CLTRN: variants seen among roughly 807,000 people sequenced by gnomAD.
The protein encoded by CLTRN is collectrin.
Under a neutral mutation model 14.5 loss-of-function variants are expected in CLTRN, and 12 were observed. The observed-to-expected ratio is 0.83, with a 90% CI of 0.53 to 1.34. The LOEUF (loss-of-function observed/expected upper bound fraction) is 1.34, where lower values mean the gene tolerates loss of function less well. Ranked by LOEUF, CLTRN falls within the 40% of genes most tolerant of loss-of-function variation. The probability of loss-of-function intolerance (pLI) is 0.00; values close to 1 mark genes in which losing one functional copy is unlikely to be tolerated. For synonymous variants in CLTRN, 58 were observed against 56.5 expected (o/e 1.03, Z -0.12); for missense variants, 154 against 165.1 (o/e 0.93, Z 0.37).
chrX:15,667,552 G>C (rs895052337), upstream of CLTRN, among the ~76,000 whole-genome samples: 1 of 112,579 alleles, frequency 8.9e-6, no homozygotes, highest in African/African-American at 3.2e-5. Context: ...CAGCGTCAAC[G>C]AATGACCAAT....
upstream of CLTRN, among the ~76,000 whole-genome samples, chrX:15,669,712 T>C (rs1190753580): frequency 2.7e-5 from 3 of 112,060 alleles, no homozygotes; most frequent in African/African-American, 9.7e-5. Context: ...GTATGTAGGC[T>C]CCATTCACCT....
chrX:15,639,985 C>A (rs997518940), intron 4 of CLTRN, among the ~76,000 whole-genome samples: 1 of 112,025 alleles, frequency 8.9e-6, no homozygotes, highest in South Asian at 3.8e-4. Flanking sequence ...ACTGCTGCCC[C>A]CATTGTTGTG....
At chrX:15,672,470 G>A (rs1929736488) in intron 1 of CLTRN, among the ~76,000 whole-genome samples, 1 of 100,538 alleles carries the variant, frequency 9.9e-6, no homozygotes, top group Non-Finnish European at 2.0e-5. Flanking sequence ...GTCACATTTA[G>A]CCCTGACAAC....
chrX:15,639,794 A>G, intron 4 of CLTRN, 38 bp from the exon 5 acceptor site: 1 of 1,109,333 alleles, frequency 9.0e-7, no homozygotes, highest in Non-Finnish European at 1.2e-6. Context: ...ACAAAATAAG[A>G]CAGAAAAAAA....
At chrX:15,639,906 C>T (rs1455667747) in intron 4 of CLTRN, 150 bp from the exon 5 acceptor site, 4 of 539,445 alleles carry the variant, frequency 7.4e-6, no homozygotes, top group Non-Finnish European at 8.7e-6. Context: ...AAAAAGTTTG[C>T]TGAGGGCAAT....
intron 1 of CLTRN, among the ~76,000 whole-genome samples, chrX:15,671,864 A>G (rs1461265722): frequency 1.1e-5 from 1 of 92,217 alleles, no homozygotes; most frequent in Non-Finnish European, 2.2e-5. Flanking sequence ...ACACACACAC[A>G]CACACACACA....
At chrX:15,663,864 C>T (rs1395756705) in intron 2 of CLTRN, among the ~76,000 whole-genome samples, 2 of 112,487 alleles carry the variant, frequency 1.8e-5, no homozygotes, top group Non-Finnish European at 3.8e-5. Flanking sequence ...TCATATGTTA[C>T]TTTGATAATT....
intron 1 of CLTRN, among the ~76,000 whole-genome samples, chrX:15,673,539 C>T (rs1276952165): frequency 8.9e-6 from 1 of 112,116 alleles, no homozygotes; most frequent in African/African-American, 3.2e-5. Context: ...ATTTTTCATG[C>T]AAAAAATGAT....
At chrX:15,655,355 C>G (rs1200207005) in intron 3 of CLTRN, among the ~76,000 whole-genome samples, 6 of 112,347 alleles carry the variant, frequency 5.3e-5, no homozygotes, top group African/African-American at 1.6e-4. Context: ...ACTCAGAATG[C>G]TCCTGTGGGG....
chrX:15,644,146 T>G (rs1929004098), intron 4 of CLTRN, among the ~76,000 whole-genome samples: 1 of 112,051 alleles, frequency 8.9e-6, no homozygotes, highest in African/African-American at 3.2e-5. Context: ...CGGGAAAAAT[T>G]GTAAAATACT....
chrX:15,648,532 G>T (rs1222951742), intron 3 of CLTRN, among the ~76,000 whole-genome samples: 2 of 111,321 alleles, frequency 1.8e-5, no homozygotes, highest in African/African-American at 6.6e-5. Flanking sequence ...ATAAATCTTG[G>T]CCTGGCACGG....
intron 5 of CLTRN, among the ~76,000 whole-genome samples, chrX:15,637,999 G>A (rs1928856733): frequency 8.9e-6 from 1 of 111,856 alleles, no homozygotes; most frequent in Non-Finnish European, 1.9e-5. Context: ...TTGAGTCTAA[G>A]CAATCTATCT....
intron 5 of CLTRN, among the ~76,000 whole-genome samples, chrX:15,638,440 T>C (rs923438209): frequency 9.6e-6 from 1 of 104,154 alleles, no homozygotes; most frequent in African/African-American, 3.6e-5. Flanking sequence ...ATATGGAAAG[T>C]AGTAAACTTC....
At chrX:15,643,338 T>C (rs377103444) in intron 4 of CLTRN, among the ~76,000 whole-genome samples, 7 of 112,056 alleles carry the variant, frequency 6.2e-5, no homozygotes, top group African/African-American at 2.3e-4. Flanking sequence ...CCAATCCTGA[T>C]GTGCCCTACT....
At position 15,639,576 on chromosome X, in the gene CLTRN, G is replaced by A; in HGVS notation, c.498C>T (p.Ile166=). 1 of 1,206,489 alleles carries A rather than the reference G, an allele frequency of 8.3e-7. No homozygotes were observed. Among genetic ancestry groups the A allele is most frequent in the Non-Finnish European group, 1.1e-6 (1 of 892,538 alleles). The change falls in exon 5 of 6, where the codon ATC becomes ATT. Residue 166 remains isoleucine, a synonymous_variant. Transcript: ENST00000380342. ...AAATATCTTACCTTCTACGTTGCCA[G>A]ATCCCTGATAAAATCAGTAGTGCAA... The part of the protein sequence containing the change: ...VAIALLILSG[I]WQRRRKNKEP...
At chrX:15,654,054 C>T (rs1229378060) in intron 3 of CLTRN, among the ~76,000 whole-genome samples, 1 of 112,259 alleles carries the variant, frequency 8.9e-6, no homozygotes, top group African/African-American at 3.2e-5. Context: ...CATTTTTCAT[C>T]AATGGCGCCA....
intron 3 of CLTRN, among the ~76,000 whole-genome samples, chrX:15,655,868 T>A (rs1481368130): frequency 8.9e-6 from 1 of 112,138 alleles, no homozygotes; most frequent in East Asian, 2.8e-4. Flanking sequence ...GTATCCTCTA[T>A]GAGCACTTCT....
intron 3 of CLTRN, chrX:15,646,636 GGA>G: frequency 1.8e-5 from 6 of 341,787 alleles, no homozygotes; most frequent in South Asian, 1.6e-4. Flanking sequence ...ATCCGCATCC[GGA>G]GAGAGATGGT....
At chrX:15,666,350 G>A (rs894094157), upstream of CLTRN, among the ~76,000 whole-genome samples, 5 of 111,653 alleles carry the variant, frequency 4.5e-5, no homozygotes, top group South Asian at 1.1e-3. Flanking sequence ...GCCAATCAAC[G>A]CCCCGCCCAG....
Sources: gnomAD v4.1 joint callset for allele counts (sites outside exome capture counted in the v4.1 genomes callset) on GRCh38, gnomAD v4.1.1 for gene constraint, MANE v1.5 for transcripts, NCBI Gene and HGNC (gene_info 2026-07-23, HGNC 2026-07-21) for gene names.